The following SRCIN1 variants were observed in gnomAD, a reference collection of about 807,000 sequenced individuals.
SRCIN1 encodes P130Cas-associated protein.
SRCIN1 carries 50 observed loss-of-function variants against 116.2 expected under a neutral mutation model. That is an observed-to-expected ratio of 0.43 (90% CI 0.34 to 0.54). The LOEUF is 0.54. Ranked by LOEUF, SRCIN1 falls within the 20% of genes least tolerant of loss-of-function variation. The pLI, the probability that SRCIN1 is intolerant of heterozygous loss-of-function variation, is 0.02. For missense variants in SRCIN1, 1,446 were observed against 1,672.0 expected, an observed-to-expected ratio of 0.86 and a Z score of 2.36; for synonymous variants, 736 against 750.0, an observed-to-expected ratio of 0.98 and a Z score of 0.30.
chr17:38,538,277 C>T (rs1393989356), intron 18 of SRCIN1, among the ~76,000 whole-genome samples: 1 of 142,442 alleles, frequency 7.0e-6, no homozygotes, highest in African/African-American at 2.6e-5. Context: ...ATTAGCCAGG[C>T]GTGGTTGTGG....
Position 38,533,308 on chromosome 17 carries a change from T to G in SRCIN1, c.3541A>C (p.Ile1181Leu), listed in dbSNP as rs2040951053. The G allele has an allele frequency of 1.3e-6, 2 of 1,564,926 alleles. No individual in the cohort carries two copies. Among genetic ancestry groups the G allele is most frequent in the African/African-American group, 1.4e-5 (1 of 73,534 alleles). Residue 1181 changes from isoleucine to leucine, a missense_variant, in exon 19 of 19, where the codon ATC becomes CTC. By Grantham distance (5) the Ile-to-Leu change is conservative. Around this residue, in one of 5 missense-constraint regions of SRCIN1, gnomAD observed 531 missense variants for 633.9 expected, o/e 0.84. Transcript: ENST00000617146. Reference protein sequence around the residue: ...LTSFGARNSSISF With the variant: ...LTSFGARNSSLSF ...GGGGTGAGGGGCTTCTAGAAGGAGATGGAAGAATTCCTTGCCCCAAAGGAA... is the reference window on the plus strand; with the variant it reads ...GGGGTGAGGGGCTTCTAGAAGGAGAGGGAAGAATTCCTTGCCCCAAAGGAA...
In SRCIN1 at chr17:38,562,966, T is replaced by G. The variant is rs2143198058; in HGVS notation, c.741-46A>C. On this transcript the variant is annotated intron_variant, in intron 5 of 18. Transcript: ENST00000617146. The surrounding 1 kb of genome is among the most constrained non-coding windows in gnomAD (Gnocchi z 4.2). ...GGGGTCACCACCCATCCCCCAGCTGTGCACAATGAGAAGGGATGGCTACTC... is the reference window on the plus strand; with the variant it reads ...GGGGTCACCACCCATCCCCCAGCTGGGCACAATGAGAAGGGATGGCTACTC... 2.0e-6 allele frequency: 3 copies of G among 1,496,916 alleles called. No individual in the cohort carries two copies. The East Asian group carries it at 6.9e-5, about 34-fold the overall frequency. 92.7% of individuals were successfully genotyped at this position (1,496,916 alleles called of 1,614,324 possible).
intron 7 of SRCIN1, 85 bp downstream of exon 7, chr17:38,561,378 C>G: frequency 7.2e-7 from 1 of 1,390,286 alleles, no homozygotes. Context: ...GTCCAGGACA[C>G]ACACCTGCCA....
chr17:38,575,001 C>T, intron 2 of SRCIN1: 1 of 400,754 alleles, frequency 2.5e-6, no homozygotes, highest in Non-Finnish European at 4.4e-6. Flanking sequence ...GGGGACACCC[C>T]ATTAGGGGAA....
rs1459503202 is a variant in SRCIN1 at position 38,558,477 on chromosome 17, C to T, written c.2026-75G>A. The T allele has an allele frequency of 7.8e-5, 116 of 1,482,094 alleles. No individual in the cohort carries two copies. The highest frequency in any genetic ancestry group is 9.6e-5 in the Non-Finnish European group (107 of 1,115,438). 91.8% of individuals were successfully genotyped at this position (1,482,094 alleles called of 1,614,324 possible). On this transcript the variant is annotated intron_variant, in intron 10 of 18. Coordinates refer to ENST00000617146, the MANE Select transcript of SRCIN1 (RefSeq NM_025248.3). The surrounding 1 kb of genome is among the most constrained non-coding windows in gnomAD (Gnocchi z 4.6). Reference sequence around the variant, plus strand: ...AGGCAGGGGAAGGGCCGGGAGAAGGCGGGTAGAGGACTGCCCAATCCAGGG... The same window carrying T: ...AGGCAGGGGAAGGGCCGGGAGAAGGTGGGTAGAGGACTGCCCAATCCAGGG...
chr17:38,603,430 G>A lies in SRCIN1; in HGVS notation c.22+2254C>T, dbSNP rs567162670. 9.5e-4 allele frequency among the ~76,000 whole-genome samples: 145 copies of A among 152,122 alleles called. 3 individuals are homozygous for A. The South Asian group carries it at 0.029, about 31-fold the overall frequency. On this transcript the variant is annotated intron_variant, in intron 1 of 18. Transcript: ENST00000617146. ...AGCTCTTTGAGGGGTTCATTCGAGC[G>A]ACCCTTCCCCTAGTGGAGCATCCCT...
rs868454371 is a variant in SRCIN1, at chr17:38,548,636, C to T, written c.3191G>A (p.Arg1064His). ...CATGATGGGTGGTGTGGAGGCTGGGCGGGCCACCTCAGACACAGCCCGGCG... is the reference window on the plus strand; with the variant it reads ...CATGATGGGTGGTGTGGAGGCTGGGTGGGCCACCTCAGACACAGCCCGGCG... ...KLRRAVSEVARPASTPPIMAS... is the reference protein window; with the variant it reads ...KLRRAVSEVAHPASTPPIMAS... Residue 1064 changes from arginine (R) to histidine (H), a missense_variant, in exon 17 of 19, where the codon CGC becomes CAC. Arg to His is a conservative substitution (Grantham distance 29). Coordinates refer to ENST00000617146, the MANE Select transcript of SRCIN1 (RefSeq NM_025248.3). 15 of 1,612,784 alleles carry T rather than the reference C, an allele frequency of 9.3e-6. No individual in the cohort carries two copies. Among genetic ancestry groups the T allele is most frequent in the African/African-American group, 6.7e-5 (5 of 74,888 alleles).
intron 18 of SRCIN1, chr17:38,541,241 AAAAATAAAATAAAATAAAAT>A (rs201262978): frequency 6.7e-6 from 1 of 148,914 alleles, no homozygotes; most frequent in African/African-American, 2.5e-5. Context: ...CCTGCCTCAA[AAAAATAAAATAAAATAAAAT>A]AAAATAAAAT....
chr17:38,556,341 AGATTCCAG>A (rs1398767278), intron 11 of SRCIN1, among the ~76,000 whole-genome samples: 2 of 152,254 alleles, frequency 1.3e-5, no homozygotes, highest in Non-Finnish European at 2.9e-5. Context: ...AGGCAAAGGT[AGATTCCAG>A]GACCTAAAAG....
rs1258130696 is a variant in SRCIN1, at chr17:38,551,380, G to A, written c.2737C>T (p.Arg913Ter). Residue 913 changes from arginine (R) to a stop codon, truncating the protein, a stop_gained, in exon 15 of 19, where the codon CGA becomes TGA. Coordinates refer to ENST00000617146, the MANE Select transcript of SRCIN1 (RefSeq NM_025248.3). LOFTEE classifies it high-confidence loss of function. Reference protein sequence around the residue: ...DKAVSVEAAERDWEEKRAALT... With the variant: ...DKAVSVEAAE Reference sequence around the variant, plus strand: ...GCTGCCCGCTTCTCCTCCCAGTCTCGCTCTGCAGCCTTAACAGGGAGCCAG... The same window carrying A: ...GCTGCCCGCTTCTCCTCCCAGTCTCACTCTGCAGCCTTAACAGGGAGCCAG... 1 of 1,609,220 alleles carries A rather than the reference G, an allele frequency of 6.2e-7. No homozygotes were observed. Among genetic ancestry groups the A allele is most frequent in the Non-Finnish European group, 8.5e-7 (1 of 1,177,638 alleles).
rs910036917 is a variant in SRCIN1 at position 38,603,225 on chromosome 17, A to AAG, written c.22+2457_22+2458dup. Among the ~76,000 whole-genome samples, 16 of 150,364 alleles carry AAG rather than the reference A, an allele frequency of 1.1e-4. 1 individual carries two copies. Among genetic ancestry groups the AAG allele is most frequent in the South Asian group, 8.4e-4 (4 of 4,740 alleles). On this transcript the variant is annotated intron_variant, in intron 1 of 18. Coordinates refer to ENST00000617146, the MANE Select transcript of SRCIN1 (RefSeq NM_025248.3). Reference sequence around the variant, plus strand: ...GGGGGGAGAGGGGGAGAGAGAGAGAAAGAGAGAGAGAGAGCGCGAGAGTGC... The same window carrying AAG: ...GGGGGGAGAGGGGGAGAGAGAGAGAAAGAGAGAGAGAGAGAGCGCGAGAGTGC...
chr17:38,556,063 C>T (rs773027992), intron 11 of SRCIN1, among the ~76,000 whole-genome samples: 2 of 152,158 alleles, frequency 1.3e-5, no homozygotes, highest in Non-Finnish European at 2.9e-5. Context: ...GAGTCCCAGG[C>T]CAGCTAGTCT....
chr17:38,544,051 C>T lies in SRCIN1; in HGVS notation c.3271-82G>A, dbSNP rs571361807. On this transcript the variant is annotated intron_variant, in intron 17 of 18. Transcript: ENST00000617146. The surrounding 1 kb of genome is among the most constrained non-coding windows in gnomAD (Gnocchi z 4.5). The stretch of plus-strand genomic sequence containing the variant: ...GGAACCCTAGCACTGGGTGGGGTCT[C>T]GGGGCTGGGACCTCCTCAGTGGGGC... 4.8e-6 allele frequency: 7 copies of T among 1,468,076 alleles called. No homozygotes were observed. The highest frequency in any genetic ancestry group is 1.3e-5 in the South Asian group (1 of 74,212). The allele number at this position is 1,468,076 out of a possible 1,614,324, so 90.9% of individuals were successfully genotyped here.
At chr17:38,587,877 A>C (rs1908205855) in intron 1 of SRCIN1, among the ~76,000 whole-genome samples, 1 of 152,132 alleles carries the variant, frequency 6.6e-6, no homozygotes, top group South Asian at 2.1e-4. Context: ...CAAAATGTGC[A>C]AATCAGCCCC....
At chr17:38,570,924 G>T (rs573557944) in intron 2 of SRCIN1, among the ~76,000 whole-genome samples, 15 of 152,256 alleles carry the variant, frequency 9.9e-5, no homozygotes, top group Non-Finnish European at 2.1e-4. Context: ...TCAAAATCTG[G>T]AACTTCAGGC....
chr17:38,605,418 C>G (rs990833869), intron 1 of SRCIN1, among the ~76,000 whole-genome samples: 1 of 147,494 alleles, frequency 6.8e-6, no homozygotes. Flanking sequence ...GTGAGGCCCT[C>G]CCCACCCAGT....
chr17:38,541,308 C>G (rs918680362), intron 18 of SRCIN1: 1 of 150,980 alleles, frequency 6.6e-6, no homozygotes, highest in Non-Finnish European at 1.5e-5. Flanking sequence ...TATTACTTTA[C>G]AAGAAAGAAG....
chr17:38,559,505 G>A (rs1473943924), intron 10 of SRCIN1, 80 bp downstream of exon 10: 2 of 1,443,172 alleles, frequency 1.4e-6, no homozygotes, highest in East Asian at 4.7e-5. Context: ...GAGGTAGTAG[G>A]GGATGGGGCG....
upstream of SRCIN1, among the ~76,000 whole-genome samples, chr17:38,606,566 A>G (rs1239533572): frequency 6.6e-6 from 1 of 151,894 alleles, no homozygotes; most frequent in Non-Finnish European, 1.5e-5. The surrounding 1 kb of genome is among the most constrained non-coding windows in gnomAD (Gnocchi z 5.2). Context: ...CCCCTCCTGC[A>G]GGCGTGCGCG....
Sources: allele counts gnomAD v4.1 joint callset (sites outside exome capture counted in the v4.1 genomes callset), GRCh38; gene constraint gnomAD v4.1.1; regional missense constraint gnomAD v4.1.1; non-coding constraint Gnocchi (gnomAD v3.1); transcripts MANE v1.5; gene names NCBI Gene and HGNC (gene_info 2026-07-23, HGNC 2026-07-21).